The following NRG1 variants were observed in gnomAD, a reference collection of about 807,000 sequenced individuals.
The protein encoded by NRG1 is neuregulin 1.
NRG1 carries 18 observed loss-of-function variants against 63.8 expected under a neutral mutation model. That is an observed-to-expected ratio of 0.28 (90% CI 0.19 to 0.42). The LOEUF is 0.42. Among genes scored for constraint, NRG1 ranks in the 10% least tolerant of loss-of-function variants. The pLI is 1.00. For missense variants in NRG1, 762 were observed against 814.7 expected, an observed-to-expected ratio of 0.94 and a Z score of 0.79; for synonymous variants, 302 against 301.3, an observed-to-expected ratio of 1.00 and a Z score of -0.02.
intron 1 of NRG1, among the ~76,000 whole-genome samples, chr8:32,191,681 G>A (rs1159580263): frequency 6.6e-6 from 1 of 152,220 alleles, no homozygotes; most frequent in Non-Finnish European, 1.5e-5. Flanking sequence ...TCACTGGACA[G>A]GAAATGGGGA....
chr8:32,654,673 C>T (rs1327908168), intron 5 of NRG1, among the ~76,000 whole-genome samples: 1 of 75,110 alleles, frequency 1.3e-5, no homozygotes, highest in Non-Finnish European at 3.1e-5. Flanking sequence ...ATGTATAAGA[C>T]ACCCCTCCGG....
chr8:31,701,315 T>C (rs1416122164), intron 1 of NRG1, among the ~76,000 whole-genome samples: 1 of 152,142 alleles, frequency 6.6e-6, no homozygotes, highest in African/African-American at 2.4e-5. Flanking sequence ...AGTGCCACTG[T>C]GTGAACATTT....
At chr8:31,696,815 G>A (rs564746809) in intron 1 of NRG1, among the ~76,000 whole-genome samples, 26 of 152,168 alleles carry the variant, frequency 1.7e-4, no homozygotes, top group African/African-American at 5.3e-4. Context: ...TCAGCCCAGG[G>A]GTCCTTTCAT....
At chr8:31,862,965 T>C (rs1381169032) in intron 1 of NRG1, among the ~76,000 whole-genome samples, 2 of 152,204 alleles carry the variant, frequency 1.3e-5, no homozygotes, top group Admixed American at 1.3e-4. Flanking sequence ...CCTTTGATTC[T>C]TTCTATGAAT....
rs1230892475 is a variant in NRG1 at position 31,856,192 on chromosome 8, A to G, written c.37+216761A>G. Among the ~76,000 whole-genome samples, 8 of 152,214 alleles carry G rather than the reference A, an allele frequency of 5.3e-5. No homozygotes were observed. In the East Asian group the frequency reaches 5.8e-4, roughly 11 times the overall value. ...TAGATTGGGGAAGTTCTCCTGGATA[A>G]TATCCTGCAGAGTATTTTCCAACTT... On this transcript the variant is annotated intron_variant, in intron 1 of 10. Coordinates refer to the NRG1 transcript ENST00000519301.
rs536900222 is a variant in NRG1 at position 31,999,524 on chromosome 8, G to A, written c.37+360093G>A. On this transcript the variant is annotated intron_variant, in intron 1 of 10. Transcript: ENST00000519301. ...TGTAATATGCCCGGCATTCACCCTC[G>A]CGGAATTTAGACAGGAGGGATTGTG... Among the ~76,000 whole-genome samples, 6 of 151,978 alleles carry A rather than the reference G, an allele frequency of 3.9e-5. No individual in the cohort carries two copies. In the South Asian group the frequency reaches 6.2e-4, roughly 16 times the overall value.
At chr8:31,741,618 G>T (rs148097245) in intron 1 of NRG1, among the ~76,000 whole-genome samples, 5 of 151,906 alleles carry the variant, frequency 3.3e-5, no homozygotes, top group African/African-American at 4.8e-5. Flanking sequence ...AACATTAAAA[G>T]GTGCTGAACA....
chr8:32,094,347 G>A (rs1256015133), intron 1 of NRG1, among the ~76,000 whole-genome samples: 1 of 152,172 alleles, frequency 6.6e-6, no homozygotes, highest in African/African-American at 2.4e-5. Flanking sequence ...GAGCAAAGGA[G>A]GGGCAGCCCC....
chr8:31,722,714 A>T (rs1033274260), intron 1 of NRG1, among the ~76,000 whole-genome samples: 2 of 152,336 alleles, frequency 1.3e-5, no homozygotes, highest in East Asian at 1.9e-4. Flanking sequence ...AACCAGACAC[A>T]TAGAGTAAAA....
At chr8:32,234,622 C>T (rs1847340756) in intron 1 of NRG1, among the ~76,000 whole-genome samples, 1 of 152,158 alleles carries the variant, frequency 6.6e-6, no homozygotes, top group Non-Finnish European at 1.5e-5. Context: ...AGGAATAGGA[C>T]AGTGACTTCA....
At chr8:31,762,417 T>A (rs1817651199) in intron 1 of NRG1, among the ~76,000 whole-genome samples, 1 of 152,262 alleles carries the variant, frequency 6.6e-6, no homozygotes, top group African/African-American at 2.4e-5. Flanking sequence ...GGTGTATGTG[T>A]GTCACATTTC....
chr8:32,400,980 T>C (rs898879564), intron 1 of NRG1, among the ~76,000 whole-genome samples: 1 of 152,232 alleles, frequency 6.6e-6, no homozygotes, highest in Non-Finnish European at 1.5e-5. Flanking sequence ...AATGGGATCA[T>C]GTCCTTTGCA....
At chr8:31,999,102 T>A (rs936334630) in intron 1 of NRG1, among the ~76,000 whole-genome samples, 3 of 151,896 alleles carry the variant, frequency 2.0e-5, no homozygotes, top group Non-Finnish European at 4.4e-5. Context: ...TTTGCTGAAA[T>A]GCACTGACCT....
intron 1 of NRG1, among the ~76,000 whole-genome samples, chr8:32,204,105 G>A (rs1843773151): frequency 6.6e-6 from 1 of 152,156 alleles, no homozygotes; most frequent in Non-Finnish European, 1.5e-5. Flanking sequence ...TCAAAGGAGA[G>A]AATGGGTATG....
intron 1 of NRG1, among the ~76,000 whole-genome samples, chr8:31,798,513 T>C (rs1196715908): frequency 6.6e-6 from 1 of 152,188 alleles, no homozygotes; most frequent in East Asian, 1.9e-4. Context: ...ATATGTTAAA[T>C]GAACAGAGAA....
At chr8:32,221,291 T>C (rs1262794173) in intron 1 of NRG1, among the ~76,000 whole-genome samples, 1 of 152,184 alleles carries the variant, frequency 6.6e-6, no homozygotes, top group Non-Finnish European at 1.5e-5. Context: ...CATCCAAGGC[T>C]AGTAGGTGAA....
intron 1 of NRG1, among the ~76,000 whole-genome samples, chr8:32,446,071 A>C (rs1186216059): frequency 6.6e-6 from 1 of 152,204 alleles, no homozygotes; most frequent in African/African-American, 2.4e-5. Flanking sequence ...ACTAAACCTC[A>C]GTTTATTTTA....
At chr8:31,877,102 G>C (rs1289687871) in intron 1 of NRG1, among the ~76,000 whole-genome samples, 1 of 152,072 alleles carries the variant, frequency 6.6e-6, no homozygotes, top group East Asian at 1.9e-4. Flanking sequence ...AAATTCCAGT[G>C]TAGCTTTAAA....
At chr8:31,914,255 G>A (rs1456076454) in intron 1 of NRG1, among the ~76,000 whole-genome samples, 1 of 151,554 alleles carries the variant, frequency 6.6e-6, no homozygotes, top group Non-Finnish European at 1.5e-5. Flanking sequence ...GCCTTAAAAC[G>A]CAAAGCATCA....
Sources: allele counts gnomAD v4.1 joint callset (sites outside exome capture counted in the v4.1 genomes callset), GRCh38; gene constraint gnomAD v4.1.1; transcripts MANE v1.5; gene names NCBI Gene and HGNC (gene_info 2026-07-23, HGNC 2026-07-21).